Variants in MAN2B1 observed in about 807,000 individuals in gnomAD.
MAN2B1 encodes the protein mannosidase alpha class 2B member 1, also known as lysosomal alpha-mannosidase.
A neutral mutation model predicts 127.5 loss-of-function variants in MAN2B1; 99 were observed. That is an observed-to-expected ratio of 0.78 (90% confidence interval 0.66 to 0.92). The LOEUF is 0.92. MAN2B1 is among the 40% of genes least tolerant of loss of function. The pLI is 0.00. For synonymous variants in MAN2B1, 573 were observed against 568.8 expected (o/e 1.01, Z -0.11); for missense variants, 1,304 against 1,384.8 (o/e 0.94, Z 0.93).
chr19:12,659,262 G>A (rs887645193), intron 7 of MAN2B1, among the ~76,000 whole-genome samples: 5 of 150,530 alleles, frequency 3.3e-5, no homozygotes, highest in Admixed American at 2.7e-4. Flanking sequence ...TGCACGAGCT[G>A]TGTCCCCCAA....
chr19:12,664,768 C>G (rs752634401), intron 4 of MAN2B1, 24 bp downstream of exon 4: 1 of 1,605,784 alleles, frequency 6.2e-7, no homozygotes, highest in Non-Finnish European at 8.5e-7. Context: ...AAGAAGTGGG[C>G]CCAAGAGAGG....
At position 12,650,183 on chromosome 19, in the gene MAN2B1, A is replaced by G; in HGVS notation, c.2086T>C (p.Trp696Arg). ...TACAGGCGAACCACCTGGGAACACC[A>G]AGCTGAGAAGTTCTGGTGCACCTCC... ...VQEVHQNFSA[W>R]CSQVVRLYPG... Residue 696 changes from tryptophan (W) to arginine (R), a missense_variant, in exon 17 of 24, where the codon TGG (tryptophan) becomes CGG (arginine). Coordinates refer to ENST00000456935, the MANE Select transcript of MAN2B1 (RefSeq NM_000528.4). 1 of 1,613,708 alleles carries G rather than the reference A, an allele frequency of 6.2e-7. No homozygotes were observed. Among genetic ancestry groups the G allele is most frequent in the South Asian group, 1.1e-5 (1 of 91,068 alleles).
In MAN2B1 at chr19:12,663,459, A is replaced by C. The variant is rs1407251533; in HGVS notation, c.767T>G (p.Val256Gly). ...TGGCGGGTTGTAACCATTGGGAAGC[A>C]CACCTGCAGGTCACACCAAGTTCAA... is the stretch of plus-strand genomic sequence containing the variant. ...KPPTADLFTG[V>G]LPNGYNPPRN... Residue 256 changes from valine to glycine, a missense_variant, in exon 6 of 24, where the codon GTG (valine) becomes GGG (glycine). Physicochemically the swap from Val to Gly is moderately radical, Grantham distance 109. Coordinates refer to ENST00000456935, the MANE Select transcript of MAN2B1 (RefSeq NM_000528.4). 1.2e-6 allele frequency: 2 copies of C among 1,613,860 alleles called. No homozygotes were observed. Among genetic ancestry groups the C allele is most frequent in the Admixed American group, 1.7e-5 (1 of 59,996 alleles).
chr19:12,666,432 T>G (rs2024243436), intron 1 of MAN2B1, 111 bp downstream of exon 1: 3 of 1,221,650 alleles, frequency 2.5e-6, no homozygotes, highest in Non-Finnish European at 2.3e-6. Flanking sequence ...CACACTGTCA[T>G]ATCATCAGCC....
In MAN2B1 at chr19:12,657,031, C is replaced by G; in HGVS notation, c.1445G>C (p.Arg482Pro). The G allele has an allele frequency of 1.2e-6, 2 of 1,612,156 alleles. No individual in the cohort carries two copies. Among genetic ancestry groups the G allele is most frequent in the Non-Finnish European group, 1.7e-6 (2 of 1,179,532 alleles). Reference sequence around the variant, plus strand: ...GAAGTGATCTTTGAAGCCTCTGAGCCGCGCCAGCGCGTTGCTCAGAAGAAC... The same window carrying G: ...GAAGTGATCTTTGAAGCCTCTGAGCGGCGCCAGCGCGTTGCTCAGAAGAAC... ...CEVLLSNALA[R>P]LRGFKDHFTF... is the part of the protein sequence containing the mutation. The change falls in exon 12 of 24, where the codon CGG becomes CCG. Residue 482 changes from arginine to proline, a missense_variant. Transcript: ENST00000456935.
chr19:12,658,921 A>G (rs1430441370), intron 7 of MAN2B1: 2 of 312,516 alleles, frequency 6.4e-6, no homozygotes, highest in East Asian at 1.7e-4. Context: ...CAGTGGCTCA[A>G]TCTCAGCTCA....
At position 12,656,164 on chromosome 19, in the gene MAN2B1, T is replaced by C. The variant is rs368812855; in HGVS notation, c.1645-285A>G. On this transcript the variant is annotated intron_variant, in intron 13 of 23. Coordinates refer to ENST00000456935, the MANE Select transcript of MAN2B1 (RefSeq NM_000528.4). Reference sequence around the variant, plus strand: ...CAGGTTCTCGGGGGAGGAAGAGGTTTGGGGGAGGACGTTTTCTGGAATGAA... The same window carrying C: ...CAGGTTCTCGGGGGAGGAAGAGGTTCGGGGGAGGACGTTTTCTGGAATGAA... 7.6e-4 allele frequency: 321 copies of C among 421,706 alleles called. 4 individuals carry two copies. In the South Asian group the frequency reaches 9.3e-3, roughly 12 times the overall value. The allele number at this position is 421,706 out of a possible 1,614,324, so 26.1% of individuals were successfully genotyped here. A position where few individuals can be genotyped will look rare whatever the true frequency, so the allele number is the denominator to read the frequency against.
intron 14 of MAN2B1, among the ~76,000 whole-genome samples, chr19:12,654,910 C>T (rs1302377117): frequency 6.6e-6 from 1 of 152,192 alleles, no homozygotes; most frequent in Admixed American, 6.5e-5. Flanking sequence ...AGTAGATCCA[C>T]CCACCTCAGC....
At chr19:12,646,863 A>T in intron 23 of MAN2B1, 131 bp from the exon 24 acceptor site, 1 of 683,802 alleles carries the variant, frequency 1.5e-6, no homozygotes, top group Non-Finnish European at 2.6e-6. Flanking sequence ...TCAATCCCAG[A>T]CTCTTAACCT....
chr19:12,663,544 T>C, intron 5 of MAN2B1, 82 bp from the exon 6 acceptor site: 1 of 1,586,782 alleles, frequency 6.3e-7, no homozygotes, highest in Non-Finnish European at 8.6e-7. Flanking sequence ...CCACCCAGGA[T>C]GGGCTTCAGA....
intron 7 of MAN2B1, among the ~76,000 whole-genome samples, chr19:12,660,399 G>A (rs1399458317): frequency 6.6e-6 from 1 of 152,194 alleles, no homozygotes; most frequent in Non-Finnish European, 1.5e-5. Flanking sequence ...CTACTTGGGA[G>A]GCTGAGACAG....
At chr19:12,665,864 A>ATT in intron 1 of MAN2B1, 59 bp from the exon 2 acceptor site, 1 of 1,362,710 alleles carries the variant, frequency 7.3e-7, no homozygotes, top group Non-Finnish European at 1.0e-6. Flanking sequence ...CGGGGGCTGC[A>ATT]GAGTAAGTCT....
intron 10 of MAN2B1, 124 bp from the exon 11 acceptor site, chr19:12,657,679 C>T: frequency 1.1e-6 from 1 of 885,224 alleles, no homozygotes; most frequent in Non-Finnish European, 1.8e-6. Context: ...TCGAGGACGG[C>T]TGGGGGCGGT....
chr19:12,661,278 G>T lies in MAN2B1; in HGVS notation c.1008C>A (p.Ile336=), dbSNP rs781438438. The T allele has an allele frequency of 1.9e-6, 3 of 1,613,648 alleles. No individual in the cohort carries two copies. The highest frequency in any genetic ancestry group is 2.5e-6 in the Non-Finnish European group (3 of 1,179,566). Residue 336 remains isoleucine, a synonymous_variant, in exon 7 of 24, where the codon ATC becomes ATA. Coordinates refer to ENST00000456935, the MANE Select transcript of MAN2B1 (RefSeq NM_000528.4). The part of the protein sequence containing the change: ...NMWFKNLDKL[I]RLVNAQQAKG... ...CACTGACCTGCGCATTTACCAGCCG[G>T]ATGAGCTTGTCAAGGTTCTTGAACC...
At chr19:12,649,113 G>A (rs1403541398) in intron 20 of MAN2B1, 23 bp downstream of exon 20, 6 of 1,606,466 alleles carry the variant, frequency 3.7e-6, no homozygotes, top group South Asian at 3.3e-5. Flanking sequence ...ACCCTGGCTC[G>A]GATGGGGCTC....
chr19:12,653,208 G>A (rs1329821549), intron 14 of MAN2B1, among the ~76,000 whole-genome samples: 2 of 145,634 alleles, frequency 1.4e-5, no homozygotes, highest in African/African-American at 2.6e-5. Context: ...AGAAAGTGGC[G>A]TGATCTTGGC....
At chr19:12,652,572 C>T in intron 14 of MAN2B1, 112 bp from the exon 15 acceptor site, 12 of 769,728 alleles carry the variant, frequency 1.6e-5, no homozygotes, top group South Asian at 1.1e-4. Context: ...CACTCTGTAG[C>T]CCAGGCTAGA....
rs1000868549 is a variant in MAN2B1 at position 12,655,738 on chromosome 19, T to C, written c.1786A>G (p.Ile596Val). 1.2e-6 allele frequency: 2 copies of C among 1,608,170 alleles called. No homozygotes were observed. The highest frequency in any genetic ancestry group is 8.5e-7 in the Non-Finnish European group (1 of 1,175,696). Residue 596 changes from isoleucine (I) to valine (V), a missense_variant, in exon 14 of 24, where the codon ATC becomes GTC. Transcript: ENST00000456935. Reference sequence around the variant, plus strand: ...GCAGGGGACCAGGATCTTCTGGGGATGGGCTGTGGTGCGCGGGCCTGGGGC... The same window carrying C: ...GCAGGGGACCAGGATCTTCTGGGGACGGGCTGTGGTGCGCGGGCCTGGGGC... ...WKPQARAPQP[I>V]PRRSWSPALT...
rs905114742 is a variant in MAN2B1 at position 12,652,349 on chromosome 19, T to G, written c.1928+14A>C. On this transcript the variant is annotated intron_variant, in intron 15 of 23. Coordinates refer to ENST00000456935, the MANE Select transcript of MAN2B1 (RefSeq NM_000528.4). ...ACCACCACCCCACCCTCAGGCCTGG[T>G]GATCTTCCCTTACCAGAAGAAGGTC... is the stretch of plus-strand genomic sequence containing the variant. 6.2e-7 allele frequency: 1 copy of G among 1,613,034 alleles called. No individual in the cohort carries two copies. Among genetic ancestry groups the G allele is most frequent in the Non-Finnish European group, 8.5e-7 (1 of 1,179,142 alleles).
Sources: gnomAD v4.1 joint callset for allele counts (sites outside exome capture counted in the v4.1 genomes callset) on GRCh38, gnomAD v4.1.1 for gene constraint, MANE v1.5 for transcripts, NCBI Gene and HGNC (gene_info 2026-07-23, HGNC 2026-07-21) for gene names.